MARK1: variants seen among roughly 807,000 people sequenced by gnomAD.
MARK1 encodes the protein serine/threonine-protein kinase MARK1.
MARK1 carries 40 observed loss-of-function variants against 96.3 expected under a neutral mutation model. The observed-to-expected ratio is 0.42, with a 90% CI of 0.32 to 0.54. MARK1 has a LOEUF of 0.54. Among genes scored for constraint, MARK1 ranks in the 20% least tolerant of loss-of-function variants. The pLI, the probability that MARK1 is intolerant of heterozygous loss-of-function variation, is 0.16. For synonymous variants in MARK1, 317 were observed against 341.2 expected, an observed-to-expected ratio of 0.93 and a Z score of 0.78; for missense variants, 719 against 984.6, an observed-to-expected ratio of 0.73 and a Z score of 3.61.
intron 1 of MARK1, among the ~76,000 whole-genome samples, chr1:220,559,170 GA>G (rs1238658548): frequency 9.8e-5 from 15 of 152,332 alleles, no homozygotes; most frequent in African/African-American, 3.6e-4. Context: ...GGGGCTTTGG[GA>G]CAGAGCTCTT....
chr1:220,531,967 T>C (rs1660347176), intron 1 of MARK1, among the ~76,000 whole-genome samples: 1 of 152,148 alleles, frequency 6.6e-6, no homozygotes, highest in Non-Finnish European at 1.5e-5. Context: ...ATAGATAATA[T>C]ATTATCATTA....
chr1:220,552,724 A>G (rs528316234), intron 1 of MARK1, among the ~76,000 whole-genome samples: 2 of 152,190 alleles, frequency 1.3e-5, no homozygotes, highest in Admixed American at 6.5e-5. Flanking sequence ...AGACAAATAC[A>G]TGTCTGTAGC....
intron 14 of MARK1, among the ~76,000 whole-genome samples, chr1:220,651,509 A>G (rs988749380): frequency 1.7e-4 from 26 of 152,192 alleles, no homozygotes; most frequent in Non-Finnish European, 2.5e-4. Flanking sequence ...TTAATCTGCA[A>G]CAGTTAACCT....
At chr1:220,571,958 A>T (rs1663495238) in intron 1 of MARK1, 1 of 152,218 alleles carries the variant, frequency 6.6e-6, no homozygotes, top group Non-Finnish European at 1.5e-5. Context: ...ACTACAGCCC[A>T]GAACTCTTGG....
intron 3 of MARK1, among the ~76,000 whole-genome samples, chr1:220,585,385 A>G (rs1238456841): frequency 6.6e-6 from 1 of 152,208 alleles, no homozygotes; most frequent in African/African-American, 2.4e-5. Context: ...GGTGATACCA[A>G]TAATATTAAT....
At chr1:220,632,178 ATT>A (rs761132729) in intron 10 of MARK1, 21 bp from the exon 11 acceptor site, 1 of 1,207,832 alleles carries the variant, frequency 8.3e-7, no homozygotes, top group Non-Finnish European at 1.1e-6. Context: ...TTTTCAGAAA[ATT>A]TCTCTTTTTT....
intron 1 of MARK1, among the ~76,000 whole-genome samples, chr1:220,568,077 A>G (rs576879778): frequency 1.3e-5 from 2 of 152,208 alleles, no homozygotes; most frequent in African/African-American, 4.8e-5. Flanking sequence ...AATATAATAG[A>G]TATGTTTGTT....
chr1:220,561,893 G>C (rs1662691037), intron 1 of MARK1, among the ~76,000 whole-genome samples: 1 of 152,132 alleles, frequency 6.6e-6, no homozygotes, highest in Non-Finnish European at 1.5e-5. Flanking sequence ...TATTGGCAAT[G>C]GATGACATTG....
intron 5 of MARK1, 41 bp from the exon 6 acceptor site, chr1:220,604,026 T>C: frequency 7.6e-7 from 1 of 1,317,748 alleles, no homozygotes; most frequent in Non-Finnish European, 1.1e-6. Flanking sequence ...TAACCAAAAA[T>C]CTATGTATAT....
At chr1:220,532,009 A>C (rs553970542) in intron 1 of MARK1, among the ~76,000 whole-genome samples, 2 of 152,240 alleles carry the variant, frequency 1.3e-5, no homozygotes, top group Admixed American at 1.3e-4. Flanking sequence ...AACAAGAAAA[A>C]AAATTTAGTA....
chr1:220,545,354 A>G (rs891801189), intron 1 of MARK1, among the ~76,000 whole-genome samples: 5 of 150,720 alleles, frequency 3.3e-5, no homozygotes, highest in African/African-American at 1.2e-4. Flanking sequence ...GGTCAACTTG[A>G]TGAGATCTGT....
intron 1 of MARK1, among the ~76,000 whole-genome samples, chr1:220,537,755 C>G (rs1660816651): frequency 6.6e-6 from 1 of 151,064 alleles, no homozygotes; most frequent in African/African-American, 2.4e-5. Flanking sequence ...CCTGTTGTTT[C>G]CTGACTTTTT....
intron 1 of MARK1, among the ~76,000 whole-genome samples, chr1:220,539,424 T>G (rs1023197028): frequency 5.9e-5 from 9 of 152,322 alleles, no homozygotes; most frequent in African/African-American, 2.2e-4. Flanking sequence ...GAAGCCCACT[T>G]GATCATGGTG....
At chr1:220,628,248 C>T (rs1667460353) in intron 9 of MARK1, among the ~76,000 whole-genome samples, 1 of 152,178 alleles carries the variant, frequency 6.6e-6, no homozygotes, top group East Asian at 1.9e-4. Context: ...AGCTTTTATA[C>T]ATACGTGAAT....
intron 9 of MARK1, among the ~76,000 whole-genome samples, chr1:220,629,346 G>T (rs1280203977): frequency 6.8e-6 from 1 of 147,306 alleles, no homozygotes; most frequent in African/African-American, 2.5e-5. Context: ...TTCTCTACAA[G>T]ATTGCCTTTT....
chr1:220,529,321 C>A (rs1483025182), intron 1 of MARK1, among the ~76,000 whole-genome samples: 1 of 152,192 alleles, frequency 6.6e-6, no homozygotes, highest in African/African-American at 2.4e-5. Context: ...CCCTCCTCCC[C>A]CCGCATTGCC....
chr1:220,586,014 C>CGCGG, intron 3 of MARK1, among the ~76,000 whole-genome samples: 1 of 140,328 alleles, frequency 7.1e-6, no homozygotes, highest in South Asian at 2.3e-4. Context: ...CACACACACG[C>CGCGG]GCGCGTGCGC....
At chr1:220,624,472 C>CCTG (rs964260646) in intron 9 of MARK1, among the ~76,000 whole-genome samples, 16 of 151,514 alleles carry the variant, frequency 1.1e-4, no homozygotes, top group African/African-American at 3.9e-4. Flanking sequence ...GGTGCCCATG[C>CCTG]CTGTAATCCC....
intron 3 of MARK1, among the ~76,000 whole-genome samples, chr1:220,595,893 C>T (rs553160285): frequency 6.6e-6 from 1 of 152,144 alleles, no homozygotes; most frequent in African/African-American, 2.4e-5. Flanking sequence ...AATGATGCAT[C>T]GATGTAGAAA....
Sources: gnomAD v4.1 joint callset for allele counts (sites outside exome capture counted in the v4.1 genomes callset) on GRCh38, gnomAD v4.1.1 for gene constraint, MANE v1.5 for transcripts, NCBI Gene and HGNC (gene_info 2026-07-23, HGNC 2026-07-21) for gene names.